EPHB2: variants seen among roughly 807,000 people sequenced by gnomAD.
EPHB2 encodes the protein ephrin type-B receptor 2.
A neutral mutation model predicts 96.4 loss-of-function variants in EPHB2; 18 were observed. The ratio of observed to expected loss-of-function variants is 0.19; its 90% CI spans 0.13 to 0.28. The LOEUF (loss-of-function observed/expected upper bound fraction) is 0.28, where lower values mean the gene tolerates loss of function less well. Ranked by LOEUF, EPHB2 falls within the 10% of genes least tolerant of loss-of-function variation. EPHB2 has a pLI of 1.00. For synonymous variants in EPHB2, 506 were observed against 534.1 expected (o/e 0.95, Z 0.72); for missense variants, 989 against 1,355.4 (o/e 0.73, Z 4.25).
intron 1 of EPHB2, among the ~76,000 whole-genome samples, chr1:22,718,200 C>G (rs1643341118): frequency 6.6e-6 from 1 of 152,004 alleles, no homozygotes; most frequent in Non-Finnish European, 1.5e-5. Context: ...CTGAGAGGCC[C>G]CTCCAGCCTG....
chr1:22,842,440 G>C (rs1248977533), intron 3 of EPHB2, among the ~76,000 whole-genome samples: 1 of 151,956 alleles, frequency 6.6e-6, no homozygotes, highest in Non-Finnish European at 1.5e-5. Context: ...ACCCCTCACT[G>C]TCACCACCCT....
In EPHB2 at chr1:22,795,164, G is replaced by A. The variant is rs537566170; in HGVS notation, c.811+10088G>A. The stretch of plus-strand genomic sequence containing the variant: ...CACCTCATACCTCACAAGAGGAACC[G>A]AGGCCCAGAGAGGGGAAGAAAGTTA... On this transcript the variant is annotated intron_variant, in intron 3 of 15. Transcript: ENST00000374630. 2.4e-4 allele frequency among the ~76,000 whole-genome samples: 36 copies of A among 152,274 alleles called. No homozygotes were observed. The South Asian group carries it at 6.8e-3, about 29-fold the overall frequency.
At chr1:22,749,372 AAAAG>A (rs1410202575) in intron 1 of EPHB2, among the ~76,000 whole-genome samples, 3 of 152,134 alleles carry the variant, frequency 2.0e-5, no homozygotes, top group African/African-American at 4.8e-5. Flanking sequence ...GCCCTGGAAA[AAAAG>A]AGGAATGCAG....
chr1:22,735,228 A>G (rs527401368), intron 1 of EPHB2, among the ~76,000 whole-genome samples: 31 of 152,192 alleles, frequency 2.0e-4, no homozygotes, highest in African/African-American at 7.2e-4. Flanking sequence ...GCTTGAGGCC[A>G]GGAGTTCGAG....
intron 1 of EPHB2, among the ~76,000 whole-genome samples, chr1:22,711,428 C>CG (rs975017754): frequency 1.4e-3 from 192 of 136,160 alleles, no homozygotes; most frequent in Middle Eastern, 4.2e-3. Flanking sequence ...TGGCGGGGGG[C>CG]GGGGGGGGCG....
chr1:22,713,208 G>T (rs1384609760), intron 1 of EPHB2, among the ~76,000 whole-genome samples: 1 of 152,142 alleles, frequency 6.6e-6, no homozygotes, highest in Non-Finnish European at 1.5e-5. Flanking sequence ...TGTTCCGTTT[G>T]CCCCCTGGAC....
At chr1:22,766,590 G>T (rs1408470769) in intron 1 of EPHB2, among the ~76,000 whole-genome samples, 2 of 152,120 alleles carry the variant, frequency 1.3e-5, no homozygotes, top group African/African-American at 2.4e-5. Flanking sequence ...CCCAGATGAG[G>T]TCACTGAGGC....
chr1:22,744,838 G>A (rs546575681), intron 1 of EPHB2, among the ~76,000 whole-genome samples: 195 of 151,982 alleles, frequency 1.3e-3, no homozygotes, highest in African/African-American at 4.6e-3. Flanking sequence ...GGGTGACAGA[G>A]TGAGACTGTG....
At chr1:22,783,125 T>C (rs1360123082) in intron 2 of EPHB2, among the ~76,000 whole-genome samples, 1 of 152,194 alleles carries the variant, frequency 6.6e-6, no homozygotes, top group Non-Finnish European at 1.5e-5. Flanking sequence ...ACACTTGGTG[T>C]CCTTGTGTTT....
rs557715777 is a variant in EPHB2 at position 22,880,039 on chromosome 1, C to T, written c.1304-2320C>T. Among the ~76,000 whole-genome samples the T allele has an allele frequency of 4.6e-5, 7 of 152,032 alleles. No homozygotes were observed. The South Asian group carries it at 1.5e-3, about 32-fold the overall frequency. ...TGGACCTGCCCAGGCCCACGCTGGT[C>T]CCCAGGCTCATTCTCGGTGTCAAGG... On this transcript the variant is annotated intron_variant, in intron 5 of 15. Transcript: ENST00000374630.
chr1:22,833,875 G>A (rs1645342794), intron 3 of EPHB2, among the ~76,000 whole-genome samples: 1 of 152,048 alleles, frequency 6.6e-6, no homozygotes, highest in South Asian at 2.1e-4. Context: ...GGCACAAAGG[G>A]TAAAAGGAGA....
intron 1 of EPHB2, among the ~76,000 whole-genome samples, chr1:22,763,629 G>A (rs953512420): frequency 3.3e-5 from 5 of 152,164 alleles, no homozygotes; most frequent in African/African-American, 1.2e-4. Context: ...CCATCACGGG[G>A]TGTGAGAGAT....
chr1:22,719,095 C>T (rs1316955017), intron 1 of EPHB2, among the ~76,000 whole-genome samples: 2 of 152,188 alleles, frequency 1.3e-5, no homozygotes, highest in African/African-American at 4.8e-5. Context: ...CTAACTTAGA[C>T]AAATCGGGTG....
At chr1:22,727,695 G>A (rs890907765) in intron 1 of EPHB2, among the ~76,000 whole-genome samples, 1 of 148,390 alleles carries the variant, frequency 6.7e-6, no homozygotes, top group Non-Finnish European at 1.5e-5. Context: ...ATAAGTTGGT[G>A]TCTCCCTTTT....
At chr1:22,855,363 CCACTGCTGA>C (rs1482626867) in intron 3 of EPHB2, among the ~76,000 whole-genome samples, 1 of 152,232 alleles carries the variant, frequency 6.6e-6, no homozygotes, top group East Asian at 1.9e-4. Flanking sequence ...TTCAAACCTG[CCACTGCTGA>C]CCCCAGAACC....
At chr1:22,730,277 G>A (rs894991304) in intron 1 of EPHB2, among the ~76,000 whole-genome samples, 5 of 152,228 alleles carry the variant, frequency 3.3e-5, no homozygotes, top group Admixed American at 6.5e-5. Context: ...TGGGACAGAC[G>A]TGCACTCAGA....
chr1:22,835,473 C>T (rs1203383905), intron 3 of EPHB2, among the ~76,000 whole-genome samples: 1 of 152,186 alleles, frequency 6.6e-6, no homozygotes, highest in Non-Finnish European at 1.5e-5. Context: ...CAGACATGCA[C>T]ATATGTTTGC....
chr1:22,866,817 C>T (rs1016935850), intron 5 of EPHB2, among the ~76,000 whole-genome samples: 1 of 152,118 alleles, frequency 6.6e-6, no homozygotes, highest in African/African-American at 2.4e-5. Flanking sequence ...ACCTGTAATC[C>T]CAGCTACTCA....
At chr1:22,830,617 G>A (rs1645290767) in intron 3 of EPHB2, among the ~76,000 whole-genome samples, 1 of 152,112 alleles carries the variant, frequency 6.6e-6, no homozygotes, top group Non-Finnish European at 1.5e-5. Context: ...GATTGCAGTG[G>A]TGCAATCTCA....
Sources: allele counts gnomAD v4.1 joint callset (sites outside exome capture counted in the v4.1 genomes callset), GRCh38; gene constraint gnomAD v4.1.1; transcripts MANE v1.5; gene names NCBI Gene and HGNC (gene_info 2026-07-23, HGNC 2026-07-21).